CPNE4: variants seen among roughly 807,000 people sequenced by gnomAD.
The protein encoded by CPNE4 is copine-4.
In CPNE4, 25 loss-of-function variants were observed where a neutral mutation model predicts 67.9. The ratio of observed to expected loss-of-function variants is 0.37; its 90% CI spans 0.27 to 0.51. The LOEUF is 0.51. CPNE4 is among the 20% of genes least tolerant of loss of function. The pLI is 0.93. For synonymous variants in CPNE4, 242 were observed against 244.9 expected, an observed-to-expected ratio of 0.99 and a Z score of 0.11; for missense variants, 464 against 690.8, an observed-to-expected ratio of 0.67 and a Z score of 3.68.
At chr3:131,988,008 T>C (rs1446186439) in intron 1 of CPNE4, among the ~76,000 whole-genome samples, 1 of 152,176 alleles carries the variant, frequency 6.6e-6, no homozygotes, top group African/African-American at 2.4e-5. Flanking sequence ...ATAGTTAGTG[T>C]GATACATTTA....
chr3:131,883,673 C>T (rs1398121268), intron 2 of CPNE4, among the ~76,000 whole-genome samples: 1 of 151,782 alleles, frequency 6.6e-6, no homozygotes, highest in Non-Finnish European at 1.5e-5. Context: ...CTTTCTTATA[C>T]CAGTGCCTCA....
intron 2 of CPNE4, among the ~76,000 whole-genome samples, chr3:131,886,156 A>C (rs1391884792): frequency 6.6e-6 from 1 of 152,224 alleles, no homozygotes; most frequent in East Asian, 1.9e-4. Flanking sequence ...AGGGTCCCCA[A>C]GCTGAGCCGT....
intron 2 of CPNE4, among the ~76,000 whole-genome samples, chr3:131,837,851 G>T (rs1270594903): frequency 6.6e-6 from 1 of 151,942 alleles, no homozygotes; most frequent in Non-Finnish European, 1.5e-5. Context: ...ACAGGATAAA[G>T]GGTACAGGGG....
chr3:131,574,226 T>C (rs1263191322), intron 10 of CPNE4, among the ~76,000 whole-genome samples: 1 of 152,190 alleles, frequency 6.6e-6, no homozygotes, highest in Non-Finnish European at 1.5e-5. Flanking sequence ...ATAAATGCTG[T>C]ACAAGTTACA....
intron 1 of CPNE4, among the ~76,000 whole-genome samples, chr3:131,986,249 TAG>T (rs1249537035): frequency 6.6e-6 from 1 of 152,142 alleles, no homozygotes; most frequent in Non-Finnish European, 1.5e-5. Flanking sequence ...ACCTGATTGG[TAG>T]TGTTTGCCAA....
chr3:132,037,754 C>G (rs2074363946), upstream of CPNE4: 1 of 633,806 alleles, frequency 1.6e-6, no homozygotes, highest in Admixed American at 2.6e-5. Context: ...GTGTCTTATG[C>G]CAATATGAAA....
chr3:131,989,991 G>C lies in CPNE4; in HGVS notation c.-2+44576C>G, dbSNP rs1309963354. Reference sequence around the variant, plus strand: ...TCCATTTGGAAGGGGAATGTTGCTGGACTATGGGCATAATGAAAATAATGG... The same window carrying C: ...TCCATTTGGAAGGGGAATGTTGCTGCACTATGGGCATAATGAAAATAATGG... On this transcript the variant is annotated intron_variant, in intron 1 of 15. Transcript: ENST00000429747. Among the ~76,000 whole-genome samples the C allele has an allele frequency of 1.5e-5, 2 of 136,214 alleles. 1 individual carries two copies. Among genetic ancestry groups the C allele is most frequent in the Non-Finnish European group, 3.3e-5 (2 of 60,038 alleles). The allele number at this position is 136,214 out of a possible 152,430, so 89.4% of individuals were successfully genotyped here.
intron 2 of CPNE4, among the ~76,000 whole-genome samples, chr3:131,768,587 C>G (rs913054406): frequency 1.3e-5 from 2 of 152,080 alleles, no homozygotes; most frequent in African/African-American, 4.8e-5. Flanking sequence ...TCAGAAGAGT[C>G]CTGGGGGATG....
At chr3:131,774,413 CTTACTATAAGG>C (rs1365578744) in intron 2 of CPNE4, among the ~76,000 whole-genome samples, 3 of 151,842 alleles carry the variant, frequency 2.0e-5, no homozygotes, top group Non-Finnish European at 2.9e-5. Context: ...TGGCCACCAT[CTTACTATAAGG>C]TTAGACCAGC....
chr3:131,854,280 A>C (rs773733422), intron 2 of CPNE4, among the ~76,000 whole-genome samples: 1 of 151,938 alleles, frequency 6.6e-6, no homozygotes, highest in South Asian at 2.1e-4. Context: ...AACAAAAAAG[A>C]GTACATTTAC....
At chr3:131,935,728 G>A (rs1467796259) in intron 1 of CPNE4, among the ~76,000 whole-genome samples, 3 of 151,978 alleles carry the variant, frequency 2.0e-5, no homozygotes, top group Non-Finnish European at 4.4e-5. Flanking sequence ...TGCTTGAGGA[G>A]GCATAAGGGA....
chr3:131,905,985 C>T (rs7641576), intron 1 of CPNE4, among the ~76,000 whole-genome samples: 23,163 of 152,032 alleles, frequency 0.15, 2,370 homozygotes, highest in African/African-American at 0.29. Flanking sequence ...AGACAGAGGC[C>T]CAGCATCTGA....
intron 1 of CPNE4, among the ~76,000 whole-genome samples, chr3:131,958,520 C>T (rs2107911821): frequency 6.6e-6 from 1 of 151,016 alleles, no homozygotes; most frequent in African/African-American, 2.4e-5. Context: ...ATCTCAGACT[C>T]TTTTAAATCA....
At chr3:131,663,610 C>T in intron 7 of CPNE4, among the ~76,000 whole-genome samples, 1 of 152,124 alleles carries the variant, frequency 6.6e-6, no homozygotes, top group East Asian at 1.9e-4. Context: ...GACTCCAGGA[C>T]CACTGAGTGT....
intron 1 of CPNE4, among the ~76,000 whole-genome samples, chr3:131,967,201 C>A (rs2072374566): frequency 6.6e-6 from 1 of 152,146 alleles, no homozygotes; most frequent in South Asian, 2.1e-4. Context: ...ACTCAATAAA[C>A]TAGGTATTGA....
At chr3:131,818,716 T>C (rs1162872886) in intron 2 of CPNE4, among the ~76,000 whole-genome samples, 1 of 152,254 alleles carries the variant, frequency 6.6e-6, no homozygotes, top group African/African-American at 2.4e-5. Context: ...ATCTTTGTGC[T>C]AACTCCATGT....
intron 1 of CPNE4, among the ~76,000 whole-genome samples, chr3:132,005,361 A>C (rs1184654789): frequency 2.9e-5 from 2 of 69,790 alleles, no homozygotes; most frequent in African/African-American, 1.0e-4. Flanking sequence ...ACACACACAC[A>C]CACACACACA....
intron 3 of CPNE4, among the ~76,000 whole-genome samples, chr3:131,706,146 G>C (rs150221041): frequency 6.6e-6 from 1 of 152,312 alleles, no homozygotes; most frequent in East Asian, 1.9e-4. Flanking sequence ...CTTGACACCT[G>C]AATGTTAGCA....
intron 2 of CPNE4, among the ~76,000 whole-genome samples, chr3:131,889,558 C>A (rs1347053025): frequency 1.3e-5 from 2 of 152,168 alleles, no homozygotes; most frequent in Non-Finnish European, 2.9e-5. Flanking sequence ...ATAAACCAGC[C>A]AAGAGTTTAT....
Sources: allele counts gnomAD v4.1 joint callset (sites outside exome capture counted in the v4.1 genomes callset), GRCh38; gene constraint gnomAD v4.1.1; transcripts MANE v1.5; gene names NCBI Gene and HGNC (gene_info 2026-07-23, HGNC 2026-07-21).